ZNF106: variants seen among roughly 807,000 people sequenced by gnomAD.
ZNF106 encodes SH3-domain binding protein 3.
ZNF106 carries 67 observed loss-of-function variants against 195.1 expected under a neutral mutation model. The observed-to-expected ratio is 0.34, with a 90% CI of 0.28 to 0.42. ZNF106 has a LOEUF of 0.42. Among genes scored for constraint, ZNF106 ranks in the 10% least tolerant of loss-of-function variants. The probability of loss-of-function intolerance (pLI) is 1.00; values close to 1 mark genes in which losing one functional copy is unlikely to be tolerated. For synonymous variants in ZNF106, 784 were observed against 818.6 expected, an observed-to-expected ratio of 0.96 and a Z score of 0.72; for missense variants, 2,118 against 2,304.5, an observed-to-expected ratio of 0.92 and a Z score of 1.66.
At chr15:42,419,023 C>A (rs141052989) in intron 20 of ZNF106, among the ~76,000 whole-genome samples, 1 of 142,488 alleles carries the variant, frequency 7.0e-6, no homozygotes, top group African/African-American at 2.7e-5. Flanking sequence ...CCCAGGAGCT[C>A]GAGACCAGCC....
intron 2 of ZNF106, among the ~76,000 whole-genome samples, chr15:42,467,758 G>C (rs951545112): frequency 6.6e-6 from 1 of 152,082 alleles, no homozygotes; most frequent in Non-Finnish European, 1.5e-5. Flanking sequence ...GCAGTGAGCT[G>C]GTATCACGCC....
chr15:42,438,852 C>T (rs1261602286), intron 11 of ZNF106, among the ~76,000 whole-genome samples, 181 bp downstream of exon 11: 2 of 152,152 alleles, frequency 1.3e-5, no homozygotes, highest in African/African-American at 4.8e-5. Flanking sequence ...ATTTATAACA[C>T]AGTCAAAAGA....
chr15:42,442,462 A>G (rs766612356), intron 9 of ZNF106, 48 bp from the exon 10 acceptor site: 1 of 1,499,050 alleles, frequency 6.7e-7, no homozygotes, highest in Non-Finnish European at 9.0e-7. Flanking sequence ...TGTTATCTGA[A>G]AAGTCATTTG....
chr15:42,435,423 G>A lies in ZNF106; in HGVS notation c.4842C>T (p.Thr1614=), dbSNP rs35896246. ...AGCGGATGGTATGGTCACTGGACCCGGTGTAAAGGGCAGCATTCTTCCCGG... is the reference window on the plus strand; with the variant it reads ...AGCGGATGGTATGGTCACTGGACCCAGTGTAAAGGGCAGCATTCTTCCCGG... ...QTSGKNAALY[T]GSSDHTIRCY... is the part of the protein sequence containing the mutation. The change falls in exon 14 of 22, where the codon ACC becomes ACT. Residue 1614 remains threonine, a synonymous_variant. Transcript: ENST00000564754. The A allele has an allele frequency of 0.019, 30,244 of 1,614,122 alleles. 386 individuals carry two copies. The highest frequency in any genetic ancestry group is 0.029 in the South Asian group (2,628 of 91,078).
chr15:42,446,873 CTCCTAGCA>C (rs1309038327), intron 6 of ZNF106, among the ~76,000 whole-genome samples: 1 of 152,080 alleles, frequency 6.6e-6, no homozygotes, highest in Admixed American at 6.5e-5. Flanking sequence ...GGTGAAGTGC[CTCCTAGCA>C]TCCTAGAGGT....
intron 20 of ZNF106, among the ~76,000 whole-genome samples, chr15:42,420,191 A>T (rs1447403666): frequency 1.3e-5 from 2 of 152,186 alleles, no homozygotes; most frequent in African/African-American, 4.8e-5. Flanking sequence ...AAATTCCCAA[A>T]ATAAACAATT....
At chr15:42,463,737 T>A (rs749270147) in intron 3 of ZNF106, among the ~76,000 whole-genome samples, 2 of 151,696 alleles carry the variant, frequency 1.3e-5, no homozygotes, top group East Asian at 3.9e-4. Flanking sequence ...GAGTTCGAGG[T>A]TGCAGTCAGC....
In ZNF106 at chr15:42,415,519, G is replaced by A. The variant is rs1166521908; in HGVS notation, c.*1785C>T. The A allele has an allele frequency of 4.4e-6, 2 of 455,004 alleles. No individual in the cohort carries two copies. The highest frequency in any genetic ancestry group is 8.8e-6 in the Non-Finnish European group (2 of 226,460). 28.2% of individuals were successfully genotyped at this position (455,004 alleles called of 1,614,324 possible). A position where few individuals can be genotyped will look rare whatever the true frequency, so the allele number is the denominator to read the frequency against. ...TACTCAGTCTCACACACAATTTCTG[G>A]GGGCTCACAGACCCTCTTGAAGCCT... On this transcript the variant is annotated 3_prime_UTR_variant, in exon 22 of 22. Transcript: ENST00000564754.
chr15:42,433,722 C>T (rs2141296091), intron 14 of ZNF106, among the ~76,000 whole-genome samples: 1 of 152,056 alleles, frequency 6.6e-6, no homozygotes, highest in Middle Eastern at 3.4e-3. Context: ...ACCTCATGAT[C>T]CTCTTTGCAT....
intron 14 of ZNF106, among the ~76,000 whole-genome samples, chr15:42,432,818 G>C (rs771861271): frequency 2.4e-4 from 37 of 151,886 alleles, no homozygotes; most frequent in Non-Finnish European, 4.9e-4. Flanking sequence ...CCAGGAGTTC[G>C]AGGCTGCAAT....
At position 42,415,522 on chromosome 15, in the gene ZNF106, G is replaced by A. The variant is rs1369405282; in HGVS notation, c.*1782C>T. On this transcript the variant is annotated 3_prime_UTR_variant, in exon 22 of 22. Transcript: ENST00000564754. Reference sequence around the variant, plus strand: ...TCAGTCTCACACACAATTTCTGGGGGCTCACAGACCCTCTTGAAGCCTATC... The same window carrying A: ...TCAGTCTCACACACAATTTCTGGGGACTCACAGACCCTCTTGAAGCCTATC... 1 of 455,036 alleles carries A rather than the reference G, an allele frequency of 2.2e-6. No homozygotes were observed. The highest frequency in any genetic ancestry group is 1.6e-5 in the South Asian group (1 of 64,360). The allele number at this position is 455,036 out of a possible 1,614,324, so 28.2% of individuals were successfully genotyped here. A position where few individuals can be genotyped will look rare whatever the true frequency, so the allele number is the denominator to read the frequency against.
chr15:42,488,597 C>A (rs2057067255), intron 1 of ZNF106, among the ~76,000 whole-genome samples: 1 of 152,134 alleles, frequency 6.6e-6, no homozygotes, highest in Admixed American at 6.6e-5. Flanking sequence ...CTAAGATACT[C>A]CCAATTACAA....
At position 42,439,015 on chromosome 15, in the gene ZNF106, C is replaced by T. The variant is rs1395459347; in HGVS notation, c.4544+18G>A. 1 of 1,593,254 alleles carries T rather than the reference C, an allele frequency of 6.3e-7. No homozygotes were observed. Among genetic ancestry groups the T allele is most frequent in the East Asian group, 2.2e-5 (1 of 44,700 alleles). On this transcript the variant is annotated intron_variant, in intron 11 of 21. Transcript: ENST00000564754. Reference sequence around the variant, plus strand: ...GTTGGTGAAAGTTGTTCTGACTGGACCAATACAATATTCTTACCTTACAGG... The same window carrying T: ...GTTGGTGAAAGTTGTTCTGACTGGATCAATACAATATTCTTACCTTACAGG...
chr15:42,487,007 A>G (rs7166318), intron 1 of ZNF106, among the ~76,000 whole-genome samples: 149,445 of 151,752 alleles, frequency 0.98, 73,628 homozygotes, highest in East Asian at 1. Context: ...AAAATTAGCC[A>G]GGCATGGTGG....
chr15:42,435,677 T>C (rs546988273), intron 13 of ZNF106, among the ~76,000 whole-genome samples, 159 bp from the exon 14 acceptor site: 21 of 152,290 alleles, frequency 1.4e-4, no homozygotes, highest in Admixed American at 2.6e-4. Flanking sequence ...AAATGTATGT[T>C]CACCAAGTGC....
intron 2 of ZNF106, among the ~76,000 whole-genome samples, chr15:42,466,655 T>C (rs1359577963): frequency 2.0e-5 from 3 of 152,230 alleles, no homozygotes; most frequent in Non-Finnish European, 2.9e-5. Context: ...CTCTCTATGC[T>C]AGATAAGAAA....
intron 3 of ZNF106, among the ~76,000 whole-genome samples, chr15:42,462,373 G>A (rs1202501138): frequency 1.3e-5 from 2 of 152,162 alleles, no homozygotes; most frequent in Non-Finnish European, 2.9e-5. Context: ...CGAGGCAGGT[G>A]GATCATCTGA....
chr15:42,483,402 G>A (rs929300470), intron 1 of ZNF106, among the ~76,000 whole-genome samples: 1 of 152,188 alleles, frequency 6.6e-6, no homozygotes, highest in African/African-American at 2.4e-5. Context: ...ATGCGATGGA[G>A]TAGGAGGCCC....
chr15:42,447,868 T>C lies in ZNF106; in HGVS notation c.3135+204A>G, dbSNP rs900928082. On this transcript the variant is annotated intron_variant, in intron 6 of 21. Coordinates refer to ENST00000564754, the MANE Select transcript of ZNF106 (RefSeq NM_001366845.3). Reference sequence around the variant, plus strand: ...ATGACTTCATATTTTCCTGGTACTGTACATTCATATTAGATTACATTTAAT... The same window carrying C: ...ATGACTTCATATTTTCCTGGTACTGCACATTCATATTAGATTACATTTAAT... Among the ~76,000 whole-genome samples the C allele has an allele frequency of 7.9e-5, 12 of 152,212 alleles. 1 individual carries two copies. Among genetic ancestry groups the C allele is most frequent in the Non-Finnish European group, 1.8e-4 (12 of 68,034 alleles).
Sources: gnomAD v4.1 joint callset for allele counts (sites outside exome capture counted in the v4.1 genomes callset) on GRCh38, gnomAD v4.1.1 for gene constraint, MANE v1.5 for transcripts, NCBI Gene and HGNC (gene_info 2026-07-23, HGNC 2026-07-21) for gene names.